Variants in FHIT observed in about 807,000 individuals in gnomAD.
FHIT encodes fragile histidine triad diadenosine triphosphatase, also known as bis(5'-adenosyl)-triphosphatase.
A neutral mutation model predicts 17.9 loss-of-function variants in FHIT; 19 were observed. That is an observed-to-expected ratio of 1.06 (90% CI 0.74 to 1.56). The LOEUF is 1.56. FHIT is among the 40% of genes most tolerant of loss of function. The pLI is 0.00. For missense variants in FHIT, 248 were observed against 189.2 expected, an observed-to-expected ratio of 1.31 and a Z score of -1.82; for synonymous variants, 81 against 69.7, an observed-to-expected ratio of 1.16 and a Z score of -0.81.
rs150783423 is a variant in FHIT, at chr3:60,654,546, T to C, written c.-17-117567A>G. 3.9e-3 allele frequency among the ~76,000 whole-genome samples: 568 copies of C among 144,356 alleles called. 2 individuals carry two copies. The highest frequency in any genetic ancestry group is 6.6e-3 in the Non-Finnish European group (436 of 66,348). The allele number at this position is 144,356 out of a possible 152,430, so 94.7% of individuals were successfully genotyped here. Reference sequence around the variant, plus strand: ...TGAGGTATATACTCAGAAAAGGCAATAGGACATCAGAAATTCCAGCAAAAA... The same window carrying C: ...TGAGGTATATACTCAGAAAAGGCAACAGGACATCAGAAATTCCAGCAAAAA... On this transcript the variant is annotated intron_variant, in intron 4 of 9. Transcript: ENST00000492590.
chr3:60,027,216 T>C (rs1700789777), intron 5 of FHIT, among the ~76,000 whole-genome samples: 1 of 151,450 alleles, frequency 6.6e-6, no homozygotes, highest in East Asian at 1.9e-4. Context: ...TCTATATATT[T>C]GAATTTCATT....
intron 5 of FHIT, among the ~76,000 whole-genome samples, chr3:60,505,050 A>G (rs1416223410): frequency 1.3e-5 from 2 of 151,434 alleles, no homozygotes; most frequent in Non-Finnish European, 2.9e-5. Flanking sequence ...TTTTGTCAGA[A>G]CTATTTTGGA....
At chr3:60,898,843 T>C (rs1343233075) in intron 3 of FHIT, among the ~76,000 whole-genome samples, 1 of 152,146 alleles carries the variant, frequency 6.6e-6, no homozygotes, top group Non-Finnish European at 1.5e-5. Context: ...ACCTAAGAAA[T>C]TTATGGAAAG....
intron 3 of FHIT, among the ~76,000 whole-genome samples, chr3:60,901,687 C>A (rs782299470): frequency 3.8e-4 from 58 of 152,138 alleles, no homozygotes; most frequent in Non-Finnish European, 5.9e-4. Context: ...ATTGTCTCTA[C>A]AATAATGTCA....
At chr3:61,206,967 G>C (rs933498745) in intron 1 of FHIT, among the ~76,000 whole-genome samples, 23 of 152,268 alleles carry the variant, frequency 1.5e-4, no homozygotes, top group Admixed American at 6.5e-4. Context: ...GTCATAGATA[G>C]CTCTTATTAT....
chr3:60,229,233 A>G (rs887501619), intron 5 of FHIT, among the ~76,000 whole-genome samples: 2 of 152,054 alleles, frequency 1.3e-5, no homozygotes, highest in African/African-American at 4.8e-5. Flanking sequence ...CCTGGGCAAC[A>G]TGGTGAAACC....
intron 5 of FHIT, among the ~76,000 whole-genome samples, chr3:60,435,656 T>C (rs2030154604): frequency 6.6e-6 from 1 of 152,142 alleles, no homozygotes; most frequent in South Asian, 2.1e-4. Flanking sequence ...AAGACTTTAA[T>C]AACTTTTATA....
intron 2 of FHIT, among the ~76,000 whole-genome samples, chr3:61,093,505 T>C (rs1258876738): frequency 6.6e-6 from 1 of 151,972 alleles, no homozygotes; most frequent in Non-Finnish European, 1.5e-5. Context: ...AATGCCAAGG[T>C]TGAGAAACAG....
At chr3:60,148,952 ACCTTGAACAGTAAT>A (rs1471675403) in intron 5 of FHIT, among the ~76,000 whole-genome samples, 1 of 152,130 alleles carries the variant, frequency 6.6e-6, no homozygotes, top group Non-Finnish European at 1.5e-5. Flanking sequence ...CTGCTCTTTG[ACCTTGAACAGTAAT>A]CCTTTGAGCA....
At chr3:60,136,068 CAG>C (rs1269668554) in intron 5 of FHIT, among the ~76,000 whole-genome samples, 3 of 152,152 alleles carry the variant, frequency 2.0e-5, no homozygotes, top group Non-Finnish European at 2.9e-5. Context: ...AGGTCAAGTA[CAG>C]AGTCTAGACT....
Position 60,540,847 on chromosome 3 carries a change from G to C in FHIT, c.-17-3868C>G, listed in dbSNP as rs545984483. ...AGGAAGGTTTGCCCCAGTGGTACAA[G>C]ATAATGGTTTTTAGAACATTTACAA... On this transcript the variant is annotated intron_variant, in intron 4 of 9. Transcript: ENST00000492590. Among the ~76,000 whole-genome samples, 5 of 152,296 alleles carry C rather than the reference G, an allele frequency of 3.3e-5. No homozygotes were observed. In the East Asian group the frequency reaches 9.6e-4, roughly 29 times the overall value.
chr3:60,244,800 T>C (rs1705309207), intron 5 of FHIT, among the ~76,000 whole-genome samples: 1 of 152,150 alleles, frequency 6.6e-6, no homozygotes, highest in Non-Finnish European at 1.5e-5. Flanking sequence ...GCAAAAGATC[T>C]TACATTTGAT....
intron 5 of FHIT, among the ~76,000 whole-genome samples, chr3:60,443,419 C>A (rs936105444): frequency 6.6e-6 from 1 of 152,042 alleles, no homozygotes. Context: ...TTGTCATAAA[C>A]AGCTTTTATT....
intron 2 of FHIT, among the ~76,000 whole-genome samples, chr3:61,058,150 T>C (rs954862514): frequency 6.6e-6 from 1 of 152,198 alleles, no homozygotes; most frequent in African/African-American, 2.4e-5. Context: ...GCCTGGCACG[T>C]AATAAGTTCT....
chr3:60,821,931 T>C lies in FHIT; in HGVS notation c.-30A>G, dbSNP rs540908764. The C allele has an allele frequency of 6.6e-6, 1 of 152,266 alleles. No individual in the cohort carries two copies. Among genetic ancestry groups the C allele is most frequent in the South Asian group, 2.1e-4 (1 of 4,824 alleles). 9.4% of individuals were successfully genotyped at this position (152,266 alleles called of 1,614,324 possible). ...TAAGTAAACCTACCTTTCAGAAGAC[T>C]GCTACCTCTTCGGAGTCCTCAGTGG... On this transcript the variant is annotated 5_prime_UTR_variant, in exon 4 of 10. Transcript: ENST00000492590.
intron 4 of FHIT, among the ~76,000 whole-genome samples, chr3:60,754,857 T>C (rs1369942599): frequency 6.6e-6 from 1 of 152,192 alleles, no homozygotes; most frequent in African/African-American, 2.4e-5. Flanking sequence ...ACCTTAGTCA[T>C]ACCCATTCCT....
At chr3:60,116,246 T>A (rs974101943) in intron 5 of FHIT, among the ~76,000 whole-genome samples, 9 of 152,020 alleles carry the variant, frequency 5.9e-5, no homozygotes, top group Non-Finnish European at 1.5e-5. Flanking sequence ...AGTAGAAATA[T>A]AAACAAAAAA....
intron 5 of FHIT, among the ~76,000 whole-genome samples, chr3:60,460,596 A>G (rs1023534100): frequency 1.3e-5 from 2 of 152,218 alleles, no homozygotes; most frequent in Non-Finnish European, 2.9e-5. Context: ...TTGGTAAAAT[A>G]AATACATTCA....
intron 5 of FHIT, among the ~76,000 whole-genome samples, chr3:60,504,690 T>G (rs1244988913): frequency 6.6e-6 from 1 of 152,162 alleles, no homozygotes; most frequent in African/African-American, 2.4e-5. Flanking sequence ...AGAAAATAAT[T>G]AATTCAAAAG....
Sources: allele counts gnomAD v4.1 joint callset (sites outside exome capture counted in the v4.1 genomes callset), GRCh38; gene constraint gnomAD v4.1.1; transcripts MANE v1.5; gene names NCBI Gene and HGNC (gene_info 2026-07-23, HGNC 2026-07-21).